The following CHPF2 variants were observed in gnomAD, a reference collection of about 807,000 sequenced individuals.
CHPF2 encodes the protein chondroitin polymerizing factor 2, non-catalytic subunit.
Under a neutral mutation model 63.0 loss-of-function variants are expected in CHPF2, and 58 were observed. The observed-to-expected ratio is 0.92, with a 90% CI of 0.75 to 1.15. CHPF2 has a LOEUF of 1.15. Ranked by LOEUF, CHPF2 falls within the 50% of genes most tolerant of loss-of-function variation. The pLI is 0.00. For missense variants in CHPF2, 1,045 were observed against 1,035.4 expected (o/e 1.01, Z -0.13); for synonymous variants, 442 against 438.0 (o/e 1.01, Z -0.11).
At position 151,238,177 on chromosome 7, in the gene CHPF2, C is replaced by A; in HGVS notation, c.1815C>A (p.Asn605Lys). ...VWTRPGPEVLNRCRMNAISGW... is the reference protein window; with the variant it reads ...VWTRPGPEVLKRCRMNAISGW... ...CAAGGCCTGGGCCCGAAGTCCTCAA[C>A]CGCTGTCGCATGAATGCCATCTCTG... The change falls in exon 4 of 4, where the codon AAC (asparagine) becomes AAA (lysine). Residue 605 changes from asparagine (N) to lysine (K), a missense_variant. Coordinates refer to ENST00000035307, the MANE Select transcript of CHPF2 (RefSeq NM_019015.3). 1 of 1,612,914 alleles carries A rather than the reference C, an allele frequency of 6.2e-7. No individual in the cohort carries two copies. Among genetic ancestry groups the A allele is most frequent in the Non-Finnish European group, 8.5e-7 (1 of 1,180,022 alleles).
At position 151,238,409 on chromosome 7, in the gene CHPF2, C is replaced by G; in HGVS notation, c.2047C>G (p.Arg683Gly). Residue 683 changes from arginine to glycine, a missense_variant, in exon 4 of 4, where the codon CGA becomes GGA. Arg to Gly is a moderately radical substitution (Grantham distance 125, BLOSUM62 -2). Transcript: ENST00000035307. ...CFYNADYLAARARLAGELAGQ... is the reference protein window; with the variant it reads ...CFYNADYLAAGARLAGELAGQ... ...CTACAACGCTGACTACCTGGCGGCC[C>G]GAGCCCGGCTGGCAGGTGAACTGGC... 6.3e-7 allele frequency: 1 copy of G among 1,599,192 alleles called. No homozygotes were observed. Among genetic ancestry groups the G allele is most frequent in the Admixed American group, 1.7e-5 (1 of 58,518 alleles).
chr7:151,233,101 T>A lies in CHPF2; in HGVS notation c.-911T>A, dbSNP rs1584852254. ...CCTGGCATTGTCTCTAGTTGCTGCT[T>A]GTGCTCTCTCTTTGCTTTTGGTTTG... On this transcript the variant is annotated 5_prime_UTR_variant, in exon 1 of 4. Coordinates refer to ENST00000035307, the MANE Select transcript of CHPF2 (RefSeq NM_019015.3). The A allele has an allele frequency of 9.2e-6, 11 of 1,200,698 alleles. No homozygotes were observed. Among genetic ancestry groups the A allele is most frequent in the Non-Finnish European group, 1.0e-5 (10 of 966,046 alleles). 74.4% of individuals were successfully genotyped at this position (1,200,698 alleles called of 1,614,324 possible). A position where few individuals can be genotyped will look rare whatever the true frequency, so the allele number is the denominator to read the frequency against.
At chr7:151,235,727 C>CAGGAA in intron 2 of CHPF2, 115 bp downstream of exon 2, 1 of 1,022,336 alleles carries the variant, frequency 9.8e-7, no homozygotes, top group Non-Finnish European at 1.4e-6. Flanking sequence ...GGCCACTGGC[C>CAGGAA]GCTCTGTGGG....
At chr7:151,234,479 G>C (rs1024274487) in intron 1 of CHPF2, among the ~76,000 whole-genome samples, 1 of 152,084 alleles carries the variant, frequency 6.6e-6, no homozygotes, top group Non-Finnish European at 1.5e-5. Flanking sequence ...ATTAGGGTTC[G>C]ATGTTTTTTG....
Position 151,233,624 on chromosome 7 carries a change from G to T in CHPF2, c.-388G>T. ...TACCTCTTATCACTTGCTGTCATCT[G>T]TTGACTTAGGCCCAGTCTGCAGATG... On this transcript the variant is annotated 5_prime_UTR_variant, in exon 1 of 4. Coordinates refer to ENST00000035307, the MANE Select transcript of CHPF2 (RefSeq NM_019015.3). 2.0e-6 allele frequency: 2 copies of T among 999,580 alleles called. No individual in the cohort carries two copies. Among genetic ancestry groups the T allele is most frequent in the Non-Finnish European group, 2.4e-6 (2 of 839,814 alleles). 61.9% of individuals were successfully genotyped at this position (999,580 alleles called of 1,614,324 possible).
At position 151,232,851 on chromosome 7, in the gene CHPF2, C is replaced by T; in HGVS notation, c.-1161C>T. The T allele has an allele frequency of 6.9e-7, 1 of 1,440,752 alleles. No individual in the cohort carries two copies. The highest frequency in any genetic ancestry group is 9.1e-7 in the Non-Finnish European group (1 of 1,100,842). 89.2% of individuals were successfully genotyped at this position (1,440,752 alleles called of 1,614,324 possible). A position where few individuals can be genotyped will look rare whatever the true frequency, so the allele number is the denominator to read the frequency against. On this transcript the variant is annotated 5_prime_UTR_variant, in exon 1 of 4. Coordinates refer to ENST00000035307, the MANE Select transcript of CHPF2 (RefSeq NM_019015.3). Reference sequence around the variant, plus strand: ...AGTCTCCCAGCCGCGACCTCCGACCCCGCCTCGCAGAACGACCCGAGCTGG... The same window carrying T: ...AGTCTCCCAGCCGCGACCTCCGACCTCGCCTCGCAGAACGACCCGAGCTGG...
At chr7:151,236,925 G>C (rs1175735735) in intron 3 of CHPF2, 8 of 532,796 alleles carry the variant, frequency 1.5e-5, no homozygotes, top group Admixed American at 4.5e-5. Flanking sequence ...CCACTGAGGA[G>C]GCAAAAACTC....
rs745381620 is a variant in CHPF2, at chr7:151,238,618, G to T, written c.2256G>T (p.Gly752=). 2 of 1,612,474 alleles carry T rather than the reference G, an allele frequency of 1.2e-6. No homozygotes were observed. Among genetic ancestry groups the T allele is most frequent in the Non-Finnish European group, 1.7e-6 (2 of 1,179,166 alleles). ...YHRCRLSNLE[G]LGGRAQLAMA... ...GCTGCCGCCTCAGCAACCTGGAGGG[G>T]CTAGGGGGCCGTGCCCAGCTGGCTA... The change falls in exon 4 of 4, where the codon GGG becomes GGT. Residue 752 remains glycine, a synonymous_variant. Coordinates refer to ENST00000035307, the MANE Select transcript of CHPF2 (RefSeq NM_019015.3).
In CHPF2 at chr7:151,235,483, G is replaced by A; in HGVS notation, c.699G>A (p.Arg233=). Residue 233 remains arginine, a synonymous_variant, in exon 2 of 4, where the codon CGG becomes CGA. Transcript: ENST00000035307. Reference sequence around the variant, plus strand: ...GGGGCTTTGGCTACCTGTTGTCACGGAGTCTCCTGCTTCGTCTGCGGCCAC... The same window carrying A: ...GGGGCTTTGGCTACCTGTTGTCACGAAGTCTCCTGCTTCGTCTGCGGCCAC... ...CHGGFGYLLS[R]SLLLRLRPHL... 6.2e-7 allele frequency: 1 copy of A among 1,611,668 alleles called. No individual in the cohort carries two copies. The highest frequency in any genetic ancestry group is 1.7e-5 in the Admixed American group (1 of 60,032).
chr7:151,234,601 C>T (rs1212348833), intron 1 of CHPF2, among the ~76,000 whole-genome samples: 1 of 152,186 alleles, frequency 6.6e-6, no homozygotes, highest in Non-Finnish European at 1.5e-5. Flanking sequence ...AAGTGATTTT[C>T]CTGCCTCAGC....
At chr7:151,236,333 A>G (rs141849891) in intron 2 of CHPF2, 75 bp from the exon 3 acceptor site, 8 of 1,314,546 alleles carry the variant, frequency 6.1e-6, no homozygotes, top group Non-Finnish European at 8.4e-6. Flanking sequence ...AGATGTGAAC[A>G]CTGAGTATGG....
chr7:151,237,762 G>A lies in CHPF2; in HGVS notation c.1400G>A (p.Ser467Asn). 6.2e-7 allele frequency: 1 copy of A among 1,612,398 alleles called. No homozygotes were observed. The highest frequency in any genetic ancestry group is 1.1e-5 in the South Asian group (1 of 91,088). ...GHRRALARRV[S>N]LLRPLSRVEI... ...CGGCGGGCCCTGGCTCGCAGGGTCA[G>A]CCTGCTGCGGCCACTGAGCCGGGTG... Residue 467 changes from serine (S) to asparagine (N), a missense_variant, in exon 4 of 4, where the codon AGC (serine) becomes AAC (asparagine). Ser to Asn is a conservative substitution (Grantham distance 46, BLOSUM62 1). Transcript: ENST00000035307.
chr7:151,233,382 G>A lies in CHPF2; in HGVS notation c.-630G>A. 1 of 985,822 alleles carries A rather than the reference G, an allele frequency of 1.0e-6. No individual in the cohort carries two copies. Among genetic ancestry groups the A allele is most frequent in the South Asian group, 4.7e-5 (1 of 21,312 alleles). The allele number at this position is 985,822 out of a possible 1,614,324, so 61.1% of individuals were successfully genotyped here. A position where few individuals can be genotyped will look rare whatever the true frequency, so the allele number is the denominator to read the frequency against. Reference sequence around the variant, plus strand: ...CTGAGTGGGAGGAGGGGTTCCTGTAGCCGTTGCGTCTTCTCAAACACGGGG... The same window carrying A: ...CTGAGTGGGAGGAGGGGTTCCTGTAACCGTTGCGTCTTCTCAAACACGGGG... On this transcript the variant is annotated 5_prime_UTR_variant, in exon 1 of 4. Transcript: ENST00000035307.
rs749017160 is a variant in CHPF2, at chr7:151,233,469, C to T, written c.-543C>T. 1 of 985,670 alleles carries T rather than the reference C, an allele frequency of 1.0e-6. No homozygotes were observed. Among genetic ancestry groups the T allele is most frequent in the Non-Finnish European group, 1.2e-6 (1 of 830,186 alleles). 61.1% of individuals were successfully genotyped at this position (985,670 alleles called of 1,614,324 possible). A position where few individuals can be genotyped will look rare whatever the true frequency, so the allele number is the denominator to read the frequency against. ...GCCCACCGGGCCTGCCGCAGTGGCT[C>T]AGCAGCCCCTTCAGTAGCCCGCCTG... On this transcript the variant is annotated 5_prime_UTR_variant, in exon 1 of 4. Coordinates refer to ENST00000035307, the MANE Select transcript of CHPF2 (RefSeq NM_019015.3).
rs933308021 is a variant in CHPF2, at chr7:151,232,909, C to T, written c.-1103C>T. On this transcript the variant is annotated 5_prime_UTR_variant, in exon 1 of 4. In the 5' UTR this introduces an upstream ATG that the reference lacks. Transcript: ENST00000035307. The stretch of plus-strand genomic sequence containing the variant: ...AGCCCCCTTCTCAGCAGCCCGGTGA[C>T]GTGGCCAGTTTATTTCTGTTTTGAG... 3 of 1,362,922 alleles carry T rather than the reference C, an allele frequency of 2.2e-6. No individual in the cohort carries two copies. Among genetic ancestry groups the T allele is most frequent in the African/African-American group, 1.5e-5 (1 of 65,178 alleles). The allele number at this position is 1,362,922 out of a possible 1,614,324, so 84.4% of individuals were successfully genotyped here.
rs1802522836 is a variant in CHPF2, at chr7:151,233,175, GCA to G, written c.-832_-831del. On this transcript the variant is annotated 5_prime_UTR_variant, in exon 1 of 4. Coordinates refer to ENST00000035307, the MANE Select transcript of CHPF2 (RefSeq NM_019015.3). ...GGTAAAACCAGGCACCGAATCGCTC[GCA>G]CACAGAGTTCCAGTCCCCGCCTGCT... 1 of 1,047,878 alleles carries G rather than the reference GCA, an allele frequency of 9.5e-7. No homozygotes were observed. The highest frequency in any genetic ancestry group is 1.1e-6 in the Non-Finnish European group (1 of 870,596). The allele number at this position is 1,047,878 out of a possible 1,614,324, so 64.9% of individuals were successfully genotyped here.
rs147455010 is a variant in CHPF2 at position 151,238,012 on chromosome 7, G to A, written c.1650G>A (p.Ala550=). 3.0e-5 allele frequency: 48 copies of A among 1,612,942 alleles called. No individual in the cohort carries two copies. The East Asian group carries it at 6.7e-4, about 22-fold the overall frequency. The change falls in exon 4 of 4, where the codon GCG becomes GCA. Residue 550 remains alanine, a synonymous_variant. Coordinates refer to ENST00000035307, the MANE Select transcript of CHPF2 (RefSeq NM_019015.3). ...TTCTTGGGGTGAAGGCTGCAGCAGC[G>A]GAGTTAGAGCGACGGTACCCTGGGA... ...DPFLGVKAAA[A]ELERRYPGTR...
chr7:151,235,516 T>G lies in CHPF2; in HGVS notation c.732T>G (p.Asp244Glu). The stretch of plus-strand genomic sequence containing the variant: ...TGCTTCGTCTGCGGCCACATCTGGA[T>G]GGCTGCCGAGGAGACATTCTCAGTG... Reference protein sequence around the residue: ...SLLLRLRPHLDGCRGDILSAR... With the variant: ...SLLLRLRPHLEGCRGDILSAR... The change falls in exon 2 of 4, where the codon GAT becomes GAG. Residue 244 changes from aspartate (D) to glutamate (E), a missense_variant. By Grantham distance (45) the Asp-to-Glu change is conservative. Coordinates refer to ENST00000035307, the MANE Select transcript of CHPF2 (RefSeq NM_019015.3). The G allele has an allele frequency of 6.2e-7, 1 of 1,611,466 alleles. No homozygotes were observed. The highest frequency in any genetic ancestry group is 1.7e-5 in the Admixed American group (1 of 60,028).
At position 151,238,371 on chromosome 7, in the gene CHPF2, C is replaced by T. The variant is rs764343464; in HGVS notation, c.2009C>T (p.Ala670Val). ...IGGRFDRQAS[A>V]EGCFYNADYL... ...GGGAGATTTGACCGGCAGGCTTCTG[C>T]GGAGGGCTGCTTCTACAACGCTGAC... Residue 670 changes from alanine to valine, a missense_variant, in exon 4 of 4, where the codon GCG becomes GTG. By Grantham distance (64) the Ala-to-Val change is moderately conservative. Transcript: ENST00000035307. The T allele has an allele frequency of 2.2e-5, 36 of 1,607,340 alleles. No homozygotes were observed. Among genetic ancestry groups the T allele is most frequent in the South Asian group, 1.5e-4 (14 of 90,472 alleles).
Sources: allele counts gnomAD v4.1 joint callset (sites outside exome capture counted in the v4.1 genomes callset), GRCh38; gene constraint gnomAD v4.1.1; transcripts MANE v1.5; gene names NCBI Gene and HGNC (gene_info 2026-07-23, HGNC 2026-07-21).